The following FEZ1 variants were observed in gnomAD, a reference collection of about 807,000 sequenced individuals.
FEZ1 encodes fasciculation and elongation protein zeta-1.
A neutral mutation model predicts 49.3 loss-of-function variants in FEZ1; 20 were observed. The ratio of observed to expected loss-of-function variants is 0.41; its 90% CI spans 0.29 to 0.59. The LOEUF (loss-of-function observed/expected upper bound fraction) is 0.59, where lower values mean the gene tolerates loss of function less well. Ranked by LOEUF, FEZ1 falls within the 20% of genes least tolerant of loss-of-function variation. The pLI is 0.36. For missense variants in FEZ1, 413 were observed against 476.0 expected (o/e 0.87, Z 1.23); for synonymous variants, 170 against 180.9 (o/e 0.94, Z 0.48).
intron 3 of FEZ1, among the ~76,000 whole-genome samples, chr11:125,464,592 A>G (rs541369348): frequency 3.9e-5 from 6 of 152,346 alleles, no homozygotes; most frequent in African/African-American, 1.2e-4. Flanking sequence ...CTCCAATCCA[A>G]GCAATAATGT....
chr11:125,490,702 TA>T (rs1490779766), intron 1 of FEZ1, among the ~76,000 whole-genome samples: 17 of 152,018 alleles, frequency 1.1e-4, no homozygotes, highest in African/African-American at 3.9e-4. Flanking sequence ...TCTCTATTTT[TA>T]TTTTTTTAAA....
chr11:125,460,721 T>C, intron 4 of FEZ1, 55 bp from the exon 5 acceptor site: 1 of 1,529,696 alleles, frequency 6.5e-7, no homozygotes, highest in South Asian at 1.2e-5. Flanking sequence ...AGGGGCATTC[T>C]GGCTTGAATT....
intron 8 of FEZ1, among the ~76,000 whole-genome samples, chr11:125,450,563 G>A (rs1015110409): frequency 2.3e-4 from 35 of 152,216 alleles, no homozygotes; most frequent in Non-Finnish European, 4.7e-4. Flanking sequence ...AAGAGTAGAA[G>A]AGAGAAGAGG....
intron 2 of FEZ1, 44 bp from the exon 3 acceptor site, chr11:125,481,677 G>T: frequency 7.4e-7 from 1 of 1,344,846 alleles, no homozygotes; most frequent in Non-Finnish European, 1.1e-6. Flanking sequence ...TCTGTGGCCT[G>T]GCCCCGCCTG....
At chr11:125,494,699 A>C (rs1338323519) in intron 1 of FEZ1, among the ~76,000 whole-genome samples, 1 of 152,182 alleles carries the variant, frequency 6.6e-6, no homozygotes, top group Non-Finnish European at 1.5e-5. Context: ...GTAATTTGGA[A>C]AAGAAAAGAC....
intron 3 of FEZ1, among the ~76,000 whole-genome samples, chr11:125,476,386 T>C (rs965790559): frequency 3.9e-5 from 6 of 152,222 alleles, no homozygotes; most frequent in Non-Finnish European, 7.3e-5. Flanking sequence ...TGCAAATTAA[T>C]TTATGAAATT....
intron 2 of FEZ1, among the ~76,000 whole-genome samples, chr11:125,484,973 T>C (rs1372702002): frequency 2.0e-5 from 3 of 152,166 alleles, no homozygotes; most frequent in African/African-American, 7.2e-5. Context: ...ATATATCCCA[T>C]CATAAGCAGG....
rs146397380 is a variant in FEZ1, at chr11:125,479,995, C to A, written c.411+1539G>T. Among the ~76,000 whole-genome samples the A allele has an allele frequency of 2.6e-5, 4 of 152,270 alleles. No homozygotes were observed. In the East Asian group the frequency reaches 7.7e-4, roughly 29 times the overall value. ...AAATATCATCTTTATTTTTCAGAAG[C>A]CCCTAAGCTACTTTCTCCCTTGGAG... is the stretch of plus-strand genomic sequence containing the variant. On this transcript the variant is annotated intron_variant, in intron 3 of 9. Coordinates refer to ENST00000278919, the MANE Select transcript of FEZ1 (RefSeq NM_005103.5).
intron 3 of FEZ1, among the ~76,000 whole-genome samples, chr11:125,465,999 GAAGA>G (rs1029876215): frequency 5.1e-4 from 77 of 152,290 alleles, no homozygotes; most frequent in African/African-American, 1.8e-3. Flanking sequence ...AATGACAGAG[GAAGA>G]AAGAAAGGTT....
chr11:125,483,764 C>A (rs1479515101), intron 2 of FEZ1, among the ~76,000 whole-genome samples: 2 of 152,198 alleles, frequency 1.3e-5, no homozygotes, highest in Non-Finnish European at 2.9e-5. Context: ...TAGGCAGGAG[C>A]CTTTTGTATC....
chr11:125,477,830 C>T (rs906836131), intron 3 of FEZ1, among the ~76,000 whole-genome samples: 2 of 150,114 alleles, frequency 1.3e-5, no homozygotes, highest in Non-Finnish European at 3.0e-5. Flanking sequence ...CCCCGCATGG[C>T]CCCACTATAA....
chr11:125,488,670 A>C, intron 2 of FEZ1: 31 of 936,960 alleles, frequency 3.3e-5, no homozygotes, highest in South Asian at 9.8e-5. Flanking sequence ...ATAGAATGAA[A>C]CTTCATCTCA....
At chr11:125,464,823 C>T (rs1565536433) in intron 3 of FEZ1, among the ~76,000 whole-genome samples, 2 of 152,190 alleles carry the variant, frequency 1.3e-5, no homozygotes, top group Non-Finnish European at 2.9e-5. Context: ...CTGAAGGGCC[C>T]GGGTACCAGA....
At chr11:125,454,314 T>C (rs1956986676) in intron 6 of FEZ1, 104 bp from the exon 7 acceptor site, 1 of 746,574 alleles carries the variant, frequency 1.3e-6, no homozygotes, top group Non-Finnish European at 2.2e-6. Context: ...CGCCCCAGGG[T>C]TCTGTGACTA....
intron 2 of FEZ1, among the ~76,000 whole-genome samples, chr11:125,482,029 G>A (rs972641288): frequency 2.6e-5 from 4 of 152,294 alleles, no homozygotes; most frequent in East Asian, 1.9e-4. Flanking sequence ...GAGAGAAAGA[G>A]AGAGAGAGAG....
chr11:125,491,660 G>A (rs1490667535), intron 1 of FEZ1, among the ~76,000 whole-genome samples: 6 of 152,152 alleles, frequency 3.9e-5, no homozygotes, highest in African/African-American at 1.4e-4. Context: ...CCCTAGGAGT[G>A]CCCATTCTCC....
intron 2 of FEZ1, among the ~76,000 whole-genome samples, chr11:125,482,098 T>A (rs1003262623): frequency 1.3e-5 from 2 of 152,164 alleles, no homozygotes; most frequent in Non-Finnish European, 2.9e-5. Flanking sequence ...TTTTTCTGGC[T>A]GAATCTCATT....
At chr11:125,482,277 T>C (rs1447107447) in intron 2 of FEZ1, among the ~76,000 whole-genome samples, 1 of 152,190 alleles carries the variant, frequency 6.6e-6, no homozygotes, top group Admixed American at 6.5e-5. Context: ...GGTTGCAAGA[T>C]CCTGCCCTCT....
At chr11:125,483,084 T>C (rs1168371750) in intron 2 of FEZ1, among the ~76,000 whole-genome samples, 2 of 147,476 alleles carry the variant, frequency 1.4e-5, no homozygotes, top group Non-Finnish European at 3.0e-5. Context: ...ACACAAATGA[T>C]ACCCGTGACA....
Sources: gnomAD v4.1 joint callset for allele counts (sites outside exome capture counted in the v4.1 genomes callset) on GRCh38, gnomAD v4.1.1 for gene constraint, MANE v1.5 for transcripts, NCBI Gene and HGNC (gene_info 2026-07-23, HGNC 2026-07-21) for gene names.